Variants in SAMD12 observed in about 807,000 individuals in gnomAD.
The protein encoded by SAMD12 is sterile alpha motif domain-containing protein 12.
In SAMD12, 9 loss-of-function variants were observed where a neutral mutation model predicts 15.0. That is an observed-to-expected ratio of 0.60 (90% CI 0.36 to 1.05). The LOEUF (loss-of-function observed/expected upper bound fraction) is 1.05. SAMD12 is among the 50% of genes least tolerant of loss of function. The probability of loss-of-function intolerance (pLI) is 0.01; values close to 1 mark genes in which losing one functional copy is unlikely to be tolerated. For missense variants in SAMD12, 230 were observed against 234.2 expected (o/e 0.98, Z 0.12); for synonymous variants, 86 against 90.1 (o/e 0.96, Z 0.25).
chr8:118,477,371 G>A (rs781063005), intron 2 of SAMD12, among the ~76,000 whole-genome samples: 74 of 151,988 alleles, frequency 4.9e-4, no homozygotes, highest in Non-Finnish European at 9.6e-4. Flanking sequence ...CGACCTCTGC[G>A]GCCGGTTTGA....
chr8:118,557,792 C>A (rs1826584320), intron 2 of SAMD12, among the ~76,000 whole-genome samples: 2 of 152,106 alleles, frequency 1.3e-5, no homozygotes, highest in African/African-American at 4.8e-5. Context: ...AAATAAAATC[C>A]TAACATTGTT....
At chr8:118,325,085 T>C (rs1387804594) in intron 4 of SAMD12, among the ~76,000 whole-genome samples, 9 of 152,150 alleles carry the variant, frequency 5.9e-5, no homozygotes. Flanking sequence ...TGCTGGTGCT[T>C]ATTGGTATGC....
intron 2 of SAMD12, among the ~76,000 whole-genome samples, chr8:118,535,509 CTGCT>C (rs1825814876): frequency 6.6e-6 from 1 of 152,238 alleles, no homozygotes; most frequent in Admixed American, 6.5e-5. Flanking sequence ...GCAGAAGTTT[CTGCT>C]TCCTTTTGTT....
intron 2 of SAMD12, among the ~76,000 whole-genome samples, chr8:118,490,056 G>A (rs1047585743): frequency 6.6e-6 from 1 of 152,206 alleles, no homozygotes; most frequent in Non-Finnish European, 1.5e-5. Context: ...GATAGGAAAG[G>A]TCTTTATTGA....
intron 4 of SAMD12, among the ~76,000 whole-genome samples, chr8:118,324,903 G>A (rs1486678252): frequency 6.6e-6 from 1 of 152,146 alleles, no homozygotes; most frequent in Non-Finnish European, 1.5e-5. Context: ...GTGCTGCCTA[G>A]AACAGTACCT....
chr8:118,469,147 A>G (rs1314932862), intron 2 of SAMD12, among the ~76,000 whole-genome samples: 1 of 151,898 alleles, frequency 6.6e-6, no homozygotes, highest in African/African-American at 2.4e-5. Context: ...ACCTTTTAAA[A>G]CTACCCATGC....
the SAMD12 span, among the ~76,000 whole-genome samples, chr8:118,173,337 C>T: frequency 1.3e-4 from 20 of 152,136 alleles, no homozygotes; most frequent in African/African-American, 4.8e-4. Flanking sequence ...AGGTGGAGAG[C>T]AGAAGGGCAA....
intron 1 of SAMD12, among the ~76,000 whole-genome samples, chr8:118,604,860 T>G (rs1040376696): frequency 3.3e-5 from 5 of 151,792 alleles, no homozygotes; most frequent in African/African-American, 4.8e-5. Context: ...GGACGGAGCT[T>G]GCAGTGAGCC....
intron 2 of SAMD12, among the ~76,000 whole-genome samples, chr8:118,563,348 C>A (rs550961363): frequency 1.3e-5 from 2 of 152,284 alleles, no homozygotes; most frequent in African/African-American, 4.8e-5. Context: ...CTTTCGACAG[C>A]AGTCAGAGAT....
chr8:118,242,070 AC>A (rs1158202056), intron 4 of SAMD12, among the ~76,000 whole-genome samples: 1 of 152,014 alleles, frequency 6.6e-6, no homozygotes, highest in East Asian at 1.9e-4. Flanking sequence ...ATGCCACCAA[AC>A]CATGGCTAAC....
chr8:118,446,243 G>A (rs1227553958), intron 2 of SAMD12, among the ~76,000 whole-genome samples: 1 of 150,796 alleles, frequency 6.6e-6, no homozygotes, highest in Non-Finnish European at 1.5e-5. Context: ...AAGACTAGAG[G>A]ATTTTTTTCT....
chr8:118,239,052 A>T (rs1157852985), intron 4 of SAMD12, among the ~76,000 whole-genome samples: 9 of 152,152 alleles, frequency 5.9e-5, no homozygotes, highest in Non-Finnish European at 1.3e-4. Flanking sequence ...TCTCATTGTC[A>T]TACACTGAGA....
At chr8:118,136,534 T>C in the SAMD12 span, among the ~76,000 whole-genome samples, 1 of 152,234 alleles carries the variant, frequency 6.6e-6, no homozygotes, top group Non-Finnish European at 1.5e-5. Context: ...CAATAGGCTA[T>C]AGTTTTGTCA....
At chr8:118,408,831 A>T (rs1181315759) in intron 3 of SAMD12, among the ~76,000 whole-genome samples, 2 of 152,178 alleles carry the variant, frequency 1.3e-5, no homozygotes, top group African/African-American at 4.8e-5. Flanking sequence ...ACTTTGCCTT[A>T]GCTCTCCTAC....
chr8:118,458,673 G>A (rs1436422905), intron 2 of SAMD12, among the ~76,000 whole-genome samples: 1 of 152,234 alleles, frequency 6.6e-6, no homozygotes, highest in East Asian at 1.9e-4. Context: ...AGAGTCATTT[G>A]GGATTATTGA....
rs546220702 is a variant in SAMD12, at chr8:118,542,252, T to G, written c.192+38463A>C. ...CAAGATAAGAGTACCAAAAAGATAC[T>G]CTTTCTTTGAGATCTGTGAAGATAA... On this transcript the variant is annotated intron_variant, in intron 2 of 3. Transcript: ENST00000314727. Among the ~76,000 whole-genome samples the G allele has an allele frequency of 2.0e-3, 304 of 152,266 alleles. 2 individuals carry two copies. The highest frequency in any genetic ancestry group is 7.1e-3 in the African/African-American group (293 of 41,560).
At chr8:118,132,989 T>TAC in the SAMD12 span, among the ~76,000 whole-genome samples, 1 of 70,436 alleles carries the variant, frequency 1.4e-5, no homozygotes, top group Non-Finnish European at 2.9e-5. Context: ...TATATATATA[T>TAC]ATATATATAT....
intron 4 of SAMD12, among the ~76,000 whole-genome samples, chr8:118,356,472 T>C (rs1818230626): frequency 6.6e-6 from 1 of 152,160 alleles, no homozygotes; most frequent in Admixed American, 6.5e-5. Context: ...CCATGATATA[T>C]ATAAACGCCC....
At chr8:118,408,823 T>A (rs1821257913) in intron 3 of SAMD12, among the ~76,000 whole-genome samples, 1 of 152,192 alleles carries the variant, frequency 6.6e-6, no homozygotes, top group Non-Finnish European at 1.5e-5. Context: ...TTTAGCTCAC[T>A]TTGCCTTAGC....
Sources: allele counts gnomAD v4.1 joint callset (sites outside exome capture counted in the v4.1 genomes callset), GRCh38; gene constraint gnomAD v4.1.1; transcripts MANE v1.5; gene names NCBI Gene and HGNC (gene_info 2026-07-23, HGNC 2026-07-21).